TMEM248: variants seen among roughly 807,000 people sequenced by gnomAD.
TMEM248 encodes UPF0458 protein C7orf42.
In TMEM248, 9 loss-of-function variants were observed where a neutral mutation model predicts 30.3. The observed-to-expected ratio is 0.30, with a 90% CI of 0.18 to 0.52. TMEM248 has a LOEUF of 0.52. Ranked by LOEUF, TMEM248 falls within the 20% of genes least tolerant of loss-of-function variation. TMEM248 has a pLI of 0.97. For synonymous variants in TMEM248, 184 were observed against 154.4 expected (o/e 1.19, Z -1.42); for missense variants, 338 against 403.3 (o/e 0.84, Z 1.39).
chr7:66,950,973 TG>T lies in TMEM248; in HGVS notation c.619del (p.Asp207ThrfsTer44). ...VTVQPPHCVP[D>X]TYSNATLWYK... ...GCAGACAGCCACCGCACTGTGTTCC[TG>T]ACACGTACAGCAACGCCACGCTCTG... On this transcript the variant is annotated frameshift_variant, in exon 5 of 7. Transcript: ENST00000341567. LOFTEE classifies it high-confidence loss of function. The T allele has an allele frequency of 6.2e-7, 1 of 1,601,872 alleles. No homozygotes were observed. Among genetic ancestry groups the T allele is most frequent in the Non-Finnish European group, 8.5e-7 (1 of 1,174,534 alleles).
chr7:66,948,780 A>C, intron 4 of TMEM248, 86 bp downstream of exon 4: 1 of 1,433,752 alleles, frequency 7.0e-7, no homozygotes, highest in Non-Finnish European at 9.5e-7. Context: ...GTAAATTCTC[A>C]GGATGGCTCA....
intron 1 of TMEM248, among the ~76,000 whole-genome samples, chr7:66,927,085 G>C (rs1374994479): frequency 6.6e-6 from 1 of 152,090 alleles, no homozygotes; most frequent in Non-Finnish European, 1.5e-5. Context: ...TTTAATATGG[G>C]AGTACTTTTA....
intron 1 of TMEM248, among the ~76,000 whole-genome samples, chr7:66,923,026 A>C (rs1281794646): frequency 6.6e-6 from 1 of 152,074 alleles, no homozygotes; most frequent in Non-Finnish European, 1.5e-5. Flanking sequence ...ATATATTAAT[A>C]GTTTCTGCCT....
chr7:66,939,530 T>C (rs1791891979), intron 1 of TMEM248, among the ~76,000 whole-genome samples: 2 of 152,232 alleles, frequency 1.3e-5, no homozygotes, highest in South Asian at 4.1e-4. Context: ...ATACAGACTT[T>C]TTAAAAAATT....
At chr7:66,941,559 A>C (rs1791954735) in intron 1 of TMEM248, among the ~76,000 whole-genome samples, 1 of 114,596 alleles carries the variant, frequency 8.7e-6, no homozygotes, top group Non-Finnish European at 1.7e-5. Context: ...CCTGTTTCTT[A>C]AAACACACAC....
chr7:66,950,858 C>A, intron 4 of TMEM248, 94 bp from the exon 5 acceptor site: 1 of 1,011,786 alleles, frequency 9.9e-7, no homozygotes. Flanking sequence ...TGTGTGTTGC[C>A]GTGTTCAGTG....
chr7:66,954,192 C>T (rs1792345312), intron 6 of TMEM248, among the ~76,000 whole-genome samples: 1 of 151,828 alleles, frequency 6.6e-6, no homozygotes, highest in Non-Finnish European at 1.5e-5. Flanking sequence ...GATCCACCTG[C>T]CTTGGCCTCC....
intron 6 of TMEM248, 21 bp from the exon 7 acceptor site, chr7:66,955,481 C>G (rs764908127): frequency 2.5e-6 from 4 of 1,613,682 alleles, no homozygotes; most frequent in Non-Finnish European, 3.4e-6. Flanking sequence ...TGACTGGTTT[C>G]CCTGGCTTGC....
At chr7:66,928,267 C>T (rs963537697) in intron 1 of TMEM248, among the ~76,000 whole-genome samples, 4 of 151,498 alleles carry the variant, frequency 2.6e-5, no homozygotes, top group African/African-American at 9.7e-5. Context: ...AAGTTGATCT[C>T]TTACTTGTGT....
chr7:66,924,128 G>A (rs895138962), intron 1 of TMEM248, among the ~76,000 whole-genome samples: 7 of 152,234 alleles, frequency 4.6e-5, no homozygotes, highest in Non-Finnish European at 1.5e-5. Flanking sequence ...TTTGATGTCT[G>A]TGAGTTGTTT....
At chr7:66,936,266 A>G (rs1221649562) in intron 1 of TMEM248, among the ~76,000 whole-genome samples, 3 of 152,216 alleles carry the variant, frequency 2.0e-5, no homozygotes, top group Non-Finnish European at 4.4e-5. Flanking sequence ...TGTATCATGA[A>G]GAGATATTTA....
chr7:66,945,119 C>A lies in TMEM248; in HGVS notation c.303C>A (p.Pro101=). The A allele has an allele frequency of 6.2e-7, 1 of 1,614,248 alleles. No individual in the cohort carries two copies. The highest frequency in any genetic ancestry group is 8.5e-7 in the Non-Finnish European group (1 of 1,180,046). ...SGQARASTQS[P]QALEDSGPVN... ...AGGCCCGAGCTTCCACCCAGTCCCC[C>A]CAGGCCCTGGAGGACTCGGGCCCGG... Residue 101 remains proline, a synonymous_variant, in exon 3 of 7, where the codon CCC becomes CCA. Transcript: ENST00000341567.
chr7:66,948,450 C>A, intron 3 of TMEM248, 94 bp from the exon 4 acceptor site: 1 of 1,448,088 alleles, frequency 6.9e-7, no homozygotes, highest in South Asian at 1.3e-5. Flanking sequence ...ATAGATGATT[C>A]CTGTGTGGGT....
At chr7:66,933,140 G>T (rs180899637) in intron 1 of TMEM248, among the ~76,000 whole-genome samples, 1 of 152,198 alleles carries the variant, frequency 6.6e-6, no homozygotes, top group Admixed American at 6.5e-5. Context: ...GATTACAGGC[G>T]TGAGCCACTG....
chr7:66,924,298 C>G (rs1791465790), intron 1 of TMEM248, among the ~76,000 whole-genome samples: 2 of 152,244 alleles, frequency 1.3e-5, no homozygotes, highest in South Asian at 4.1e-4. Flanking sequence ...TTGCCCAGTA[C>G]TGAAGAACCT....
Position 66,955,795 on chromosome 7 carries a change from C to T in TMEM248, c.*273C>T, listed in dbSNP as rs910467698. 2.7e-5 allele frequency: 12 copies of T among 444,594 alleles called. No homozygotes were observed. Among genetic ancestry groups the T allele is most frequent in the African/African-American group, 1.6e-4 (8 of 48,962 alleles). 27.5% of individuals were successfully genotyped at this position (444,594 alleles called of 1,614,324 possible). ...GGACCTACCTGATGGGACGTTTCCA[C>T]GTGTCTCTAGAGAAGGATTCCTGGA... On this transcript the variant is annotated 3_prime_UTR_variant, in exon 7 of 7. Coordinates refer to ENST00000341567, the MANE Select transcript of TMEM248 (RefSeq NM_017994.5).
chr7:66,957,139 C>G lies in TMEM248; in HGVS notation c.*1617C>G, dbSNP rs936845239. On this transcript the variant is annotated 3_prime_UTR_variant, in exon 7 of 7. Coordinates refer to ENST00000341567, the MANE Select transcript of TMEM248 (RefSeq NM_017994.5). ...AATAGCTCATTGTCACTAATAACTT[C>G]TGTGTTCTCCCAGGCAGTGTTATAA... 3 of 152,546 alleles carry G rather than the reference C, an allele frequency of 2.0e-5. No homozygotes were observed. The highest frequency in any genetic ancestry group is 7.2e-5 in the African/African-American group (3 of 41,430). The allele number at this position is 152,546 out of a possible 1,614,324, so 9.4% of individuals were successfully genotyped here. A position where few individuals can be genotyped will look rare whatever the true frequency, so the allele number is the denominator to read the frequency against.
chr7:66,945,708 TGGGA>T (rs1712175352), intron 3 of TMEM248, among the ~76,000 whole-genome samples: 1 of 152,194 alleles, frequency 6.6e-6, no homozygotes, highest in Admixed American at 6.5e-5. Flanking sequence ...CCCAGCACTT[TGGGA>T]GGCCGAGGTG....
chr7:66,924,670 G>A (rs1791478142), intron 1 of TMEM248, among the ~76,000 whole-genome samples: 1 of 152,014 alleles, frequency 6.6e-6, no homozygotes, highest in African/African-American at 2.4e-5. Flanking sequence ...CTCCCAAAGT[G>A]CTGGGATTAC....
Sources: allele counts gnomAD v4.1 joint callset (sites outside exome capture counted in the v4.1 genomes callset), GRCh38; gene constraint gnomAD v4.1.1; transcripts MANE v1.5; gene names NCBI Gene and HGNC (gene_info 2026-07-23, HGNC 2026-07-21).